ZFHX3: variants seen among roughly 807,000 people sequenced by gnomAD.
ZFHX3 encodes the protein zinc finger homeobox 3, also known as zinc finger homeobox protein 3.
ZFHX3 carries 42 observed loss-of-function variants against 279.1 expected under a neutral mutation model. That is an observed-to-expected ratio of 0.15 (90% CI 0.12 to 0.19). The LOEUF (loss-of-function observed/expected upper bound fraction) is 0.19, where lower values mean the gene tolerates loss of function less well. ZFHX3 is among the 10% of genes least tolerant of loss of function. ZFHX3 has a pLI of 1.00. For synonymous variants in ZFHX3, 2,293 were observed against 1,957.8 expected (o/e 1.17, Z -4.52); for missense variants, 4,981 against 4,754.0 (o/e 1.05, Z -1.40).
At chr16:73,148,253 C>T (rs2144842630) in intron 5 of ZFHX3, among the ~76,000 whole-genome samples, 1 of 152,118 alleles carries the variant, frequency 6.6e-6, no homozygotes, top group East Asian at 1.9e-4. Flanking sequence ...GTTTGCCAGC[C>T]CTGACCTACA....
chr16:73,500,691 C>CAAAAAA (rs35032435), intron 2 of ZFHX3, among the ~76,000 whole-genome samples: 1 of 96,912 alleles, frequency 1.0e-5, no homozygotes, highest in Non-Finnish European at 2.2e-5. Flanking sequence ...TTTTAAAATA[C>CAAAAAA]AAAAAAAAAA....
intron 5 of ZFHX3, among the ~76,000 whole-genome samples, chr16:73,223,783 C>A (rs562902476): frequency 6.6e-5 from 10 of 152,156 alleles, no homozygotes; most frequent in Non-Finnish European, 1.3e-4. Flanking sequence ...TCATAATTGC[C>A]GAAACTTGAG....
chr16:73,682,424 C>T (rs889043492), intron 1 of ZFHX3, among the ~76,000 whole-genome samples: 3 of 152,080 alleles, frequency 2.0e-5, no homozygotes, highest in Non-Finnish European at 4.4e-5. Context: ...TTCAAATCCA[C>T]GTCCCTTGAA....
chr16:73,191,321 G>T lies in ZFHX3; in HGVS notation c.-1103-47490C>A, dbSNP rs548512677. 2.6e-5 allele frequency among the ~76,000 whole-genome samples: 4 copies of T among 152,294 alleles called. No individual in the cohort carries two copies. In the East Asian group the frequency reaches 7.7e-4, roughly 29 times the overall value. On this transcript the variant is annotated intron_variant, in intron 5 of 17. Transcript: ENST00000641206. ...GCTCCCCCCGGCCGCCCCAGCACAGGTCTGTTCGCTGGGCAAGGAGGCGGT... is the reference window on the plus strand; with the variant it reads ...GCTCCCCCCGGCCGCCCCAGCACAGTTCTGTTCGCTGGGCAAGGAGGCGGT...
At chr16:73,286,161 T>C (rs1392375282) in intron 4 of ZFHX3, among the ~76,000 whole-genome samples, 1 of 151,946 alleles carries the variant, frequency 6.6e-6, no homozygotes, top group Non-Finnish European at 1.5e-5. Context: ...CCTCTCTCTC[T>C]CTGTCTCTCT....
intron 4 of ZFHX3, among the ~76,000 whole-genome samples, chr16:72,869,910 A>G (rs1237970091): frequency 1.3e-5 from 2 of 152,254 alleles, no homozygotes; most frequent in Admixed American, 6.5e-5. Flanking sequence ...AGACAAATCA[A>G]TATCATGTAT....
chr16:73,541,225 C>T (rs2020005089), intron 2 of ZFHX3, among the ~76,000 whole-genome samples: 1 of 152,204 alleles, frequency 6.6e-6, no homozygotes, highest in South Asian at 2.1e-4. Flanking sequence ...TAAACACATG[C>T]TATCATCCCA....
At chr16:72,940,066 C>T (rs1960335567) in intron 3 of ZFHX3, among the ~76,000 whole-genome samples, 1 of 152,138 alleles carries the variant, frequency 6.6e-6, no homozygotes, top group African/African-American at 2.4e-5. Context: ...TGTGCCGCCA[C>T]ACCTGGCTAA....
At chr16:73,280,868 C>G (rs1038808906) in intron 4 of ZFHX3, among the ~76,000 whole-genome samples, 1 of 151,864 alleles carries the variant, frequency 6.6e-6, no homozygotes, top group Non-Finnish European at 1.5e-5. Context: ...GCCTGTCATC[C>G]CAGCTACTTG....
chr16:73,393,675 G>A (rs2017066604), intron 3 of ZFHX3, among the ~76,000 whole-genome samples: 1 of 152,088 alleles, frequency 6.6e-6, no homozygotes, highest in African/African-American at 2.4e-5. Flanking sequence ...TATGAAAGTT[G>A]GGACCTAATC....
At chr16:73,176,933 T>G (rs1252086727) in intron 5 of ZFHX3, among the ~76,000 whole-genome samples, 1 of 152,066 alleles carries the variant, frequency 6.6e-6, no homozygotes, top group Non-Finnish European at 1.5e-5. Flanking sequence ...CGGCCCCACC[T>G]AGATTTGCAG....
intron 3 of ZFHX3, among the ~76,000 whole-genome samples, chr16:73,374,760 G>T (rs546086721): frequency 1.1e-4 from 16 of 152,264 alleles, no homozygotes; most frequent in African/African-American, 3.9e-4. Flanking sequence ...TGAAGAAACT[G>T]GGTCGTTAGT....
At chr16:73,435,408 C>T (rs1439827516) in intron 3 of ZFHX3, among the ~76,000 whole-genome samples, 2 of 152,082 alleles carry the variant, frequency 1.3e-5, no homozygotes. Flanking sequence ...TGGGATTTTG[C>T]CATGTTGGGC....
intron 1 of ZFHX3, among the ~76,000 whole-genome samples, chr16:73,704,190 C>G (rs960065549): frequency 6.6e-6 from 1 of 151,992 alleles, no homozygotes; most frequent in African/African-American, 2.4e-5. Context: ...ACTCTTTGGT[C>G]ACTTCTACCA....
chr16:73,239,610 T>C (rs2013057628), intron 5 of ZFHX3, among the ~76,000 whole-genome samples: 1 of 152,176 alleles, frequency 6.6e-6, no homozygotes, highest in Non-Finnish European at 1.5e-5. Context: ...TTCGCCTATC[T>C]TCCAGCAGCG....
At chr16:73,858,129 C>T (rs1260413406) in intron 1 of ZFHX3, among the ~76,000 whole-genome samples, 1 of 151,550 alleles carries the variant, frequency 6.6e-6, no homozygotes, top group Non-Finnish European at 1.5e-5. Context: ...AAGAAGAAGT[C>T]CCTAATGAAA....
At chr16:73,280,181 T>C (rs777238683) in intron 4 of ZFHX3, among the ~76,000 whole-genome samples, 3 of 152,152 alleles carry the variant, frequency 2.0e-5, no homozygotes, top group Non-Finnish European at 2.9e-5. Flanking sequence ...GAAGAGAACA[T>C]AGGGGAAAAG....
chr16:72,966,466 G>A (rs868802565), intron 1 of ZFHX3, among the ~76,000 whole-genome samples: 8 of 152,314 alleles, frequency 5.3e-5, no homozygotes, highest in Middle Eastern at 3.4e-3. Context: ...GAGGAAGCCC[G>A]AAGTTGGCAT....
At chr16:73,502,632 G>A (rs1355596150) in intron 2 of ZFHX3, among the ~76,000 whole-genome samples, 1 of 152,208 alleles carries the variant, frequency 6.6e-6, no homozygotes, top group Admixed American at 6.5e-5. Context: ...AGTAAGCAGA[G>A]AAAGAGATCA....
Sources: gnomAD v4.1 joint callset for allele counts (sites outside exome capture counted in the v4.1 genomes callset) on GRCh38, gnomAD v4.1.1 for gene constraint, MANE v1.5 for transcripts, NCBI Gene and HGNC (gene_info 2026-07-23, HGNC 2026-07-21) for gene names.